Variants in STYXL2 observed in about 807,000 individuals in gnomAD.
The protein encoded by STYXL2 is serine/threonine/tyrosine-interacting-like protein 2.
STYXL2 carries 44 observed loss-of-function variants against 52.4 expected under a neutral mutation model. That is an observed-to-expected ratio of 0.84 (90% CI 0.66 to 1.08). STYXL2 has a LOEUF of 1.08. STYXL2 is among the 50% of genes least tolerant of loss of function. The pLI, the probability that STYXL2 is intolerant of heterozygous loss-of-function variation, is 0.00. For synonymous variants in STYXL2, 604 were observed against 586.9 expected (o/e 1.03, Z -0.42); for missense variants, 1,604 against 1,471.7 (o/e 1.09, Z -1.47).
chr1:167,120,004 C>T (rs1480708455), intron 5 of STYXL2, among the ~76,000 whole-genome samples: 3 of 152,186 alleles, frequency 2.0e-5, no homozygotes, highest in Non-Finnish European at 4.4e-5. Context: ...TGTCGATGAG[C>T]ATGGTGGATG....
At chr1:167,114,004 T>C (rs975259358) in intron 3 of STYXL2, among the ~76,000 whole-genome samples, 200 bp downstream of exon 3, 8 of 152,156 alleles carry the variant, frequency 5.3e-5, no homozygotes, top group Non-Finnish European at 1.2e-4. Context: ...TGCATCAGTG[T>C]GAACAGGGAC....
intron 5 of STYXL2, among the ~76,000 whole-genome samples, chr1:167,124,946 T>TAAAAAAAAAAAAAA (rs10531474): frequency 7.7e-6 from 1 of 129,698 alleles, no homozygotes; most frequent in African/African-American, 2.8e-5. Context: ...TACAAACTCC[T>TAAAAAAAAAAAAAA]AAAAAAAAAA....
rs373269072 is a variant in STYXL2, at chr1:167,126,391, G to A, written c.1260G>A (p.Glu420=). 5 of 1,554,486 alleles carry A rather than the reference G, an allele frequency of 3.2e-6. No individual in the cohort carries two copies. In the Admixed American group the frequency reaches 7.8e-5, roughly 24 times the overall value. The stretch of plus-strand genomic sequence containing the variant: ...GAAGGGAGGAGGAGAAGGAGGAGGA[G>A]AGCGACGCTGGCTCCTCGGTGGGGA... ...RWGREEEKEE[E]SDAGSSVGRR... Residue 420 remains glutamate (E), a synonymous_variant, in exon 6 of 6, where the codon GAG becomes GAA. Coordinates refer to ENST00000361200, the MANE Select transcript of STYXL2 (RefSeq NM_001080426.3).
intron 2 of STYXL2, among the ~76,000 whole-genome samples, chr1:167,097,788 T>C (rs1219689626): frequency 6.6e-6 from 1 of 151,994 alleles, no homozygotes; most frequent in Non-Finnish European, 1.5e-5. Flanking sequence ...ATAGACTAAA[T>C]ACTCCAATTA....
intron 5 of STYXL2, 26 bp downstream of exon 5, chr1:167,119,492 T>G (rs1667803172): frequency 1.2e-6 from 2 of 1,603,110 alleles, no homozygotes; most frequent in Non-Finnish European, 1.7e-6. Flanking sequence ...CGCTCCAGGC[T>G]GCTGGAATTC....
intron 1 of STYXL2, 119 bp from the exon 2 acceptor site, chr1:167,094,715 G>A: frequency 1.5e-6 from 1 of 677,606 alleles, no homozygotes; most frequent in South Asian, 1.8e-5. Context: ...CTGGTCTTTT[G>A]CCCACCGGGA....
intron 4 of STYXL2, 35 bp from the exon 5 acceptor site, chr1:167,119,214 G>C: frequency 1.2e-6 from 2 of 1,602,844 alleles, no homozygotes; most frequent in Non-Finnish European, 1.7e-6. Context: ...TTCTAGTTCC[G>C]ACTCTTGCAA....
chr1:167,128,426 G>A lies in STYXL2; in HGVS notation c.3295G>A (p.Gly1099Arg). ...TQSFMRSEEE[G>R]EKERTENREE... Reference sequence around the variant, plus strand: ...GAGCTTTATGAGGTCTGAAGAAGAGGGAGAGAAAGAGAGGACAGAAAACAG... The same window carrying A: ...GAGCTTTATGAGGTCTGAAGAAGAGAGAGAGAAAGAGAGGACAGAAAACAG... Residue 1099 changes from glycine to arginine, a missense_variant, in exon 6 of 6, where the codon GGA (glycine) becomes AGA (arginine). Gly to Arg is a moderately radical substitution (Grantham distance 125). Transcript: ENST00000361200. 3 of 1,614,106 alleles carry A rather than the reference G, an allele frequency of 1.9e-6. No homozygotes were observed. The highest frequency in any genetic ancestry group is 1.1e-5 in the South Asian group (1 of 91,062).
chr1:167,126,047 G>C lies in STYXL2; in HGVS notation c.916G>C (p.Gly306Arg). ...GGGCGAGGGCACTGGGAGCATGCTC[G>C]GGGCCAGAGTGCACGCCCTGACGGT... ...EEGEGTGSML[G>R]ARVHALTVEE... The change falls in exon 6 of 6, where the codon GGG (glycine) becomes CGG (arginine). Residue 306 changes from glycine to arginine, a missense_variant. Physicochemically the swap from Gly to Arg is moderately radical, Grantham distance 125. Transcript: ENST00000361200. The C allele has an allele frequency of 1.3e-6, 2 of 1,580,146 alleles. No homozygotes were observed. Among genetic ancestry groups the C allele is most frequent in the Non-Finnish European group, 1.7e-6 (2 of 1,163,664 alleles).
chr1:167,100,890 GGCC>G (rs1405639040), intron 2 of STYXL2, among the ~76,000 whole-genome samples: 2 of 152,232 alleles, frequency 1.3e-5, no homozygotes, highest in Admixed American at 1.3e-4. Context: ...TTCCCACAAT[GGCC>G]TCATAAAATC....
At position 167,117,385 on chromosome 1, in the gene STYXL2, C is replaced by T. The variant is rs139783903; in HGVS notation, c.263C>T (p.Ala88Val). 1 of 1,612,622 alleles carries T rather than the reference C, an allele frequency of 6.2e-7. No individual in the cohort carries two copies. Among genetic ancestry groups the T allele is most frequent in the Non-Finnish European group, 8.5e-7 (1 of 1,179,486 alleles). ...GAGTGTCCAGGCATGCTGGAGTCTG[C>T]TGAACAGCTGCTGGTGGAGGACCTG... The part of the protein sequence containing the change: ...DAECPGMLES[A>V]EQLLVEDLYN... Residue 88 changes from alanine to valine, a missense_variant, in exon 4 of 6, where the codon GCT becomes GTT. Transcript: ENST00000361200.
intron 4 of STYXL2, among the ~76,000 whole-genome samples, chr1:167,118,159 C>T (rs1667771016): frequency 6.6e-6 from 1 of 152,152 alleles, no homozygotes; most frequent in Non-Finnish European, 1.5e-5. Context: ...TTAACTTGTA[C>T]AGGTTTCCTA....
intron 2 of STYXL2, among the ~76,000 whole-genome samples, chr1:167,096,598 G>T (rs1012759848): frequency 1.3e-5 from 2 of 152,124 alleles, no homozygotes; most frequent in Non-Finnish European, 2.9e-5. Context: ...GACAAGCACG[G>T]ATAATTTCCC....
intron 2 of STYXL2, among the ~76,000 whole-genome samples, chr1:167,111,572 G>T (rs1043219799): frequency 1.4e-5 from 2 of 141,438 alleles, no homozygotes; most frequent in African/African-American, 5.2e-5. Context: ...GCCATAAAAC[G>T]GTCTAAAATA....
chr1:167,115,961 C>T (rs768665398), intron 3 of STYXL2, among the ~76,000 whole-genome samples: 1 of 152,128 alleles, frequency 6.6e-6, no homozygotes, highest in Non-Finnish European at 1.5e-5. Context: ...TGCTTACAGA[C>T]CCCTGGGAGG....
chr1:167,108,143 G>T (rs1377746666), intron 2 of STYXL2, among the ~76,000 whole-genome samples: 1 of 152,116 alleles, frequency 6.6e-6, no homozygotes, highest in Non-Finnish European at 1.5e-5. Flanking sequence ...GTGGACACCT[G>T]GCCCAGCCTT....
chr1:167,094,802 C>A, intron 1 of STYXL2, 32 bp from the exon 2 acceptor site: 2 of 1,486,286 alleles, frequency 1.3e-6, no homozygotes, highest in South Asian at 1.2e-5. Flanking sequence ...GAACCTAATT[C>A]CCTAACTGCC....
At position 167,128,249 on chromosome 1, in the gene STYXL2, T is replaced by G. The variant is rs1196263049; in HGVS notation, c.3118T>G (p.Tyr1040Asp). 1.2e-6 allele frequency: 2 copies of G among 1,614,152 alleles called. No homozygotes were observed. The highest frequency in any genetic ancestry group is 1.7e-6 in the Non-Finnish European group (2 of 1,180,020). Residue 1040 changes from tyrosine (Y) to aspartate (D), a missense_variant, in exon 6 of 6, where the codon TAC (tyrosine) becomes GAC (aspartate). By Grantham distance (160) the Tyr-to-Asp change is radical (BLOSUM62 -3). Transcript: ENST00000361200. ...TTCCCGAGAGGAGAGCCCAGAGCCCTACTTCTTCCGCCGGACCCCAGAGTC... is the reference window on the plus strand; with the variant it reads ...TTCCCGAGAGGAGAGCCCAGAGCCCGACTTCTTCCGCCGGACCCCAGAGTC... Reference protein sequence around the residue: ...SSSREESPEPYFFRRTPESSE... With the variant: ...SSSREESPEPDFFRRTPESSE...
chr1:167,128,588 CA>C lies in STYXL2; in HGVS notation c.3458del (p.Gln1153ArgfsTer12). 6.2e-7 allele frequency: 1 copy of C among 1,612,446 alleles called. No homozygotes were observed. Among genetic ancestry groups the C allele is most frequent in the South Asian group, 1.1e-5 (1 of 90,968 alleles). On this transcript the variant is annotated frameshift_variant, in exon 6 of 6. Coordinates refer to ENST00000361200, the MANE Select transcript of STYXL2 (RefSeq NM_001080426.3). LOFTEE classifies it high-confidence loss of function. ...GCAAGAAGAAACCAGGACCAAGCTGCAGAAAAGGAGGGAGGACTGAGCTGGG... is the reference window on the plus strand; with the variant it reads ...GCAAGAAGAAACCAGGACCAAGCTGCGAAAAGGAGGGAGGACTGAGCTGGG... ...RRQEETRTKL[Q>X]KRRED is the part of the protein sequence containing the mutation.
Sources: gnomAD v4.1 joint callset for allele counts (sites outside exome capture counted in the v4.1 genomes callset) on GRCh38, gnomAD v4.1.1 for gene constraint, MANE v1.5 for transcripts, NCBI Gene and HGNC (gene_info 2026-07-23, HGNC 2026-07-21) for gene names.